PARD3B: variants seen among roughly 807,000 people sequenced by gnomAD.
PARD3B encodes the protein par-3 family cell polarity regulator beta, also known as partitioning defective 3 homolog B.
In PARD3B, 103 loss-of-function variants were observed where a neutral mutation model predicts 130.2. That is an observed-to-expected ratio of 0.79 (90% CI 0.67 to 0.93). The LOEUF (loss-of-function observed/expected upper bound fraction) is 0.93, where lower values mean the gene tolerates loss of function less well. PARD3B is among the 40% of genes least tolerant of loss of function. The pLI is 0.00. For synonymous variants in PARD3B, 583 were observed against 553.2 expected, an observed-to-expected ratio of 1.05 and a Z score of -0.76; for missense variants, 1,609 against 1,499.2, an observed-to-expected ratio of 1.07 and a Z score of -1.21.
chr2:204,972,929 C>G (rs2125181975), intron 3 of PARD3B, among the ~76,000 whole-genome samples: 1 of 152,076 alleles, frequency 6.6e-6, no homozygotes, highest in South Asian at 2.1e-4. Context: ...GGCCTAGTCC[C>G]TAAGTAGTAA....
At chr2:205,166,877 C>A (rs1576034616) in intron 11 of PARD3B, among the ~76,000 whole-genome samples, 1 of 152,072 alleles carries the variant, frequency 6.6e-6, no homozygotes, top group Non-Finnish European at 1.5e-5. Flanking sequence ...GAGGCCGTAC[C>A]AAGGGCCCCG....
chr2:205,236,814 A>C (rs2039082911), intron 15 of PARD3B, among the ~76,000 whole-genome samples: 1 of 152,212 alleles, frequency 6.6e-6, no homozygotes, highest in East Asian at 1.9e-4. Context: ...AGTCGCAGTG[A>C]CATCAGTCAC....
At chr2:204,641,390 G>A (rs1009746195) in intron 1 of PARD3B, among the ~76,000 whole-genome samples, 4 of 152,054 alleles carry the variant, frequency 2.6e-5, no homozygotes, top group South Asian at 2.1e-4. Context: ...AAGGGCTCCC[G>A]TGAAGGACTA....
At chr2:204,931,303 C>T (rs1388509970) in intron 2 of PARD3B, among the ~76,000 whole-genome samples, 1 of 152,072 alleles carries the variant, frequency 6.6e-6, no homozygotes, top group African/African-American at 2.4e-5. Flanking sequence ...TGGGAATAAT[C>T]ATAGCATGTA....
At chr2:205,428,929 G>A (rs1020769127) in intron 19 of PARD3B, among the ~76,000 whole-genome samples, 1 of 151,982 alleles carries the variant, frequency 6.6e-6, no homozygotes, top group Non-Finnish European at 1.5e-5. Flanking sequence ...AAAACAAAGG[G>A]GTCCTTGGAG....
intron 21 of PARD3B, among the ~76,000 whole-genome samples, chr2:205,518,400 G>A (rs2050884166): frequency 6.6e-6 from 1 of 151,988 alleles, no homozygotes; most frequent in South Asian, 2.1e-4. Context: ...TAGGATTGCA[G>A]CCTCTACTGT....
intron 18 of PARD3B, 22 bp from the exon 19 acceptor site, chr2:205,400,991 C>G (rs1284369347): frequency 6.5e-7 from 1 of 1,534,180 alleles, no homozygotes; most frequent in South Asian, 1.2e-5. Flanking sequence ...TGTTAACAGC[C>G]TTCTCCTTCA....
intron 22 of PARD3B, among the ~76,000 whole-genome samples, chr2:205,580,295 A>T (rs949129913): frequency 6.6e-6 from 1 of 152,196 alleles, no homozygotes; most frequent in Non-Finnish European, 1.5e-5. Context: ...TTCAAGTATG[A>T]CGCACAGCAT....
rs145343889 is a variant in PARD3B, at chr2:205,455,924, T to A, written c.3044+15252T>A. Among the ~76,000 whole-genome samples, 280 of 152,166 alleles carry A rather than the reference T, an allele frequency of 1.8e-3. 1 individual carries two copies. The highest frequency in any genetic ancestry group is 4.0e-3 in the African/African-American group (167 of 41,562). On this transcript the variant is annotated intron_variant, in intron 20 of 22. Coordinates refer to ENST00000406610, the MANE Select transcript of PARD3B (RefSeq NM_001302769.2). ...TTCATCACCACAAAGACATCCCTCA[T>A]ACTACTCCTTTACAGTCACACATCT...
intron 22 of PARD3B, among the ~76,000 whole-genome samples, chr2:205,603,271 T>TAAA: frequency 1.3e-5 from 2 of 152,292 alleles, no homozygotes; most frequent in Admixed American, 1.3e-4. Context: ...TACTTCCAGT[T>TAAA]ATGTGATCAA....
chr2:205,238,194 A>G (rs2039154822), intron 15 of PARD3B, among the ~76,000 whole-genome samples: 1 of 152,238 alleles, frequency 6.6e-6, no homozygotes, highest in Admixed American at 6.5e-5. Flanking sequence ...GCCCTGCTGA[A>G]GGTGTTTAAT....
At chr2:204,793,942 C>G (rs562716342) in intron 2 of PARD3B, among the ~76,000 whole-genome samples, 2 of 152,128 alleles carry the variant, frequency 1.3e-5, no homozygotes, top group African/African-American at 4.8e-5. Flanking sequence ...AGTAGTATTA[C>G]AAATCATAAC....
intron 19 of PARD3B, among the ~76,000 whole-genome samples, chr2:205,410,717 A>G (rs1327587642): frequency 2.0e-5 from 3 of 152,166 alleles, no homozygotes; most frequent in Admixed American, 6.5e-5. Context: ...TGTAAATCAA[A>G]TATTTTAAAA....
At chr2:204,862,850 CA>C (rs2045265340) in intron 2 of PARD3B, among the ~76,000 whole-genome samples, 1 of 152,028 alleles carries the variant, frequency 6.6e-6, no homozygotes, top group Non-Finnish European at 1.5e-5. Flanking sequence ...AATAGTAAAA[CA>C]AAAAAATAAC....
intron 19 of PARD3B, among the ~76,000 whole-genome samples, chr2:205,403,614 C>G (rs2046324986): frequency 6.6e-6 from 1 of 152,114 alleles, no homozygotes; most frequent in South Asian, 2.1e-4. Context: ...ATTAGAAGAC[C>G]TTGTTAAAAA....
At chr2:205,315,665 G>C (rs966801768) in intron 18 of PARD3B, among the ~76,000 whole-genome samples, 13 of 152,104 alleles carry the variant, frequency 8.5e-5, no homozygotes, top group Non-Finnish European at 1.5e-4. Context: ...TTGTTTGTTT[G>C]TTTGTTTTAG....
chr2:205,263,774 G>T lies in PARD3B; in HGVS notation c.2185+17952G>T, dbSNP rs2040404351. 6.6e-6 allele frequency among the ~76,000 whole-genome samples: 1 copy of T among 151,060 alleles called. No individual in the cohort carries two copies. The highest frequency in any genetic ancestry group is 1.5e-5 in the Non-Finnish European group (1 of 67,594). On this transcript the variant is annotated intron_variant, in intron 16 of 22. Transcript: ENST00000406610. The surrounding 1 kb of genome is among the most constrained non-coding windows in gnomAD (Gnocchi z 4.0). ...AAAGATACTCTTGAGAAAATGAAAAGACAAGTCACAGACTAAAAATATTTG... is the reference window on the plus strand; with the variant it reads ...AAAGATACTCTTGAGAAAATGAAAATACAAGTCACAGACTAAAAATATTTG...
At chr2:204,929,778 A>G (rs544638120) in intron 2 of PARD3B, among the ~76,000 whole-genome samples, 2 of 152,068 alleles carry the variant, frequency 1.3e-5, no homozygotes, top group South Asian at 2.1e-4. Context: ...AAAAAAAAAA[A>G]GTGTTGTTTT....
At chr2:205,413,809 G>A (rs1232878799) in intron 19 of PARD3B, among the ~76,000 whole-genome samples, 1 of 152,182 alleles carries the variant, frequency 6.6e-6, no homozygotes, top group Non-Finnish European at 1.5e-5. Context: ...TGTGGGCCCA[G>A]AGAGCTGTTG....
Sources: gnomAD v4.1 joint callset for allele counts (sites outside exome capture counted in the v4.1 genomes callset) on GRCh38, gnomAD v4.1.1 for gene constraint, Gnocchi (gnomAD v3.1) non-coding constraint, MANE v1.5 for transcripts, NCBI Gene and HGNC (gene_info 2026-07-23, HGNC 2026-07-21) for gene names.